The following EXOC6B variants were observed in gnomAD, a reference collection of about 807,000 sequenced individuals.
The protein encoded by EXOC6B is exocyst complex component 6B.
EXOC6B carries 54 observed loss-of-function variants against 113.5 expected under a neutral mutation model. That is an observed-to-expected ratio of 0.48 (90% CI 0.38 to 0.60). The LOEUF is 0.60. EXOC6B is among the 20% of genes least tolerant of loss of function. The pLI is 0.00. For synonymous variants in EXOC6B, 357 were observed against 339.0 expected (o/e 1.05, Z -0.58); for missense variants, 797 against 977.5 (o/e 0.82, Z 2.46).
At chr2:72,402,843 T>C (rs1693429840) in intron 18 of EXOC6B, among the ~76,000 whole-genome samples, 1 of 152,194 alleles carries the variant, frequency 6.6e-6, no homozygotes, top group African/African-American at 2.4e-5. Context: ...TTTTCCATTA[T>C]TTTTGCAAAG....
At chr2:72,301,211 A>G (rs886544941) in intron 20 of EXOC6B, among the ~76,000 whole-genome samples, 2 of 152,116 alleles carry the variant, frequency 1.3e-5, no homozygotes, top group Admixed American at 1.3e-4. Flanking sequence ...ATCATGGTGG[A>G]TTAGCTTTTT....
intron 6 of EXOC6B, among the ~76,000 whole-genome samples, chr2:72,594,098 A>ATC (rs1669918268): frequency 6.6e-6 from 1 of 152,066 alleles, no homozygotes; most frequent in Non-Finnish European, 1.5e-5. Flanking sequence ...CTCCAAACTC[A>ATC]GCTTCCCAAA....
rs35274285 is a variant in EXOC6B, at chr2:72,465,144, A to AGC, written c.1980+14_1980+15dup. ...CTTTTTATATATAAAGGACAAAGTA[A>AGC]GCAACTGCCACTTACAGGAAGGTGT... On this transcript the variant is annotated intron_variant, in intron 18 of 21. Coordinates refer to ENST00000272427, the MANE Select transcript of EXOC6B (RefSeq NM_015189.3). The AGC allele has an allele frequency of 7.7e-5, 111 of 1,446,920 alleles. No individual in the cohort carries two copies. The highest frequency in any genetic ancestry group is 9.4e-5 in the Non-Finnish European group (104 of 1,102,682). 89.6% of individuals were successfully genotyped at this position (1,446,920 alleles called of 1,614,324 possible).
intron 1 of EXOC6B, among the ~76,000 whole-genome samples, chr2:72,787,495 C>G (rs1338425133): frequency 6.6e-6 from 1 of 151,948 alleles, no homozygotes; most frequent in Non-Finnish European, 1.5e-5. Context: ...CCACAGTGCC[C>G]GGCCTCAGGG....
intron 6 of EXOC6B, among the ~76,000 whole-genome samples, chr2:72,593,557 T>G (rs1405138066): frequency 6.6e-6 from 1 of 151,904 alleles, no homozygotes; most frequent in Non-Finnish European, 1.5e-5. Context: ...AAAAACAATT[T>G]TTTCCCTTCA....
chr2:72,212,749 A>C lies in EXOC6B; in HGVS notation c.2197-28562T>G, dbSNP rs1341434144. 2.6e-5 allele frequency among the ~76,000 whole-genome samples: 4 copies of C among 152,220 alleles called. No individual in the cohort carries two copies. In the East Asian group the frequency reaches 7.7e-4, roughly 29 times the overall value. On this transcript the variant is annotated intron_variant, in intron 20 of 21. Transcript: ENST00000272427. ...TGTTCTCTATCTCCACTATAAAGTG[A>C]ACAAAAAAACTTGAATACCAATTGT...
At chr2:72,635,631 TAAG>T (rs1672764124) in intron 6 of EXOC6B, among the ~76,000 whole-genome samples, 1 of 152,176 alleles carries the variant, frequency 6.6e-6, no homozygotes, top group African/African-American at 2.4e-5. Context: ...CCAAACATTT[TAAG>T]AAGAATTAAC....
intron 6 of EXOC6B, among the ~76,000 whole-genome samples, chr2:72,635,538 A>G (rs970168974): frequency 6.6e-6 from 1 of 152,230 alleles, no homozygotes; most frequent in Non-Finnish European, 1.5e-5. Flanking sequence ...GAATAGTCCT[A>G]TAACTGGGAA....
At chr2:72,726,014 G>C (rs182250281) in intron 5 of EXOC6B, among the ~76,000 whole-genome samples, 3 of 152,228 alleles carry the variant, frequency 2.0e-5, no homozygotes. Context: ...AACTAAAGCA[G>C]TATATATACA....
At chr2:72,407,835 G>A (rs377517592) in intron 18 of EXOC6B, among the ~76,000 whole-genome samples, 2 of 152,094 alleles carry the variant, frequency 1.3e-5, no homozygotes, top group African/African-American at 2.4e-5. Context: ...CACCACTCCT[G>A]TTCAACATAG....
chr2:72,533,863 CT>C (rs971524509), intron 8 of EXOC6B, among the ~76,000 whole-genome samples: 1 of 152,064 alleles, frequency 6.6e-6, no homozygotes, highest in Non-Finnish European at 1.5e-5. Flanking sequence ...GTATTTGCCC[CT>C]GTAACAGAAA....
At chr2:72,686,336 A>G (rs2104568305) in intron 6 of EXOC6B, among the ~76,000 whole-genome samples, 1 of 152,334 alleles carries the variant, frequency 6.6e-6, no homozygotes, top group South Asian at 2.1e-4. Context: ...AACATGCTAC[A>G]TATAAAATTC....
intron 18 of EXOC6B, 146 bp downstream of exon 18, chr2:72,465,014 C>T (rs1007791069): frequency 1.3e-5 from 9 of 666,718 alleles, no homozygotes; most frequent in Non-Finnish European, 2.1e-5. Flanking sequence ...CTCTACATAT[C>T]ATTAAAGGTT....
At chr2:72,334,245 C>G (rs1688567060) in intron 20 of EXOC6B, among the ~76,000 whole-genome samples, 1 of 152,046 alleles carries the variant, frequency 6.6e-6, no homozygotes, top group Non-Finnish European at 1.5e-5. Context: ...TCCAAACCAC[C>G]AAGGCCTACC....
chr2:72,573,845 G>A (rs1057267439), intron 7 of EXOC6B, among the ~76,000 whole-genome samples: 3 of 152,162 alleles, frequency 2.0e-5, no homozygotes, highest in Non-Finnish European at 4.4e-5. Flanking sequence ...GCTGGGTGCG[G>A]TGGCTCACGC....
chr2:72,789,358 C>T (rs1437091084), intron 1 of EXOC6B, among the ~76,000 whole-genome samples: 1 of 151,974 alleles, frequency 6.6e-6, no homozygotes, highest in African/African-American at 2.4e-5. Flanking sequence ...CCTACTTCAT[C>T]CCCACCCTGA....
chr2:72,468,563 A>G (rs928142153), intron 17 of EXOC6B, among the ~76,000 whole-genome samples: 3 of 152,172 alleles, frequency 2.0e-5, no homozygotes, highest in Admixed American at 6.6e-5. Context: ...TAGATTTTGA[A>G]GTCAGGTAGA....
chr2:72,326,164 A>G (rs1688115652), intron 20 of EXOC6B, among the ~76,000 whole-genome samples: 1 of 152,114 alleles, frequency 6.6e-6, no homozygotes, highest in South Asian at 2.1e-4. Context: ...AAAACCTAGC[A>G]GTTTTCATTC....
At chr2:72,240,381 G>A (rs1238169728) in intron 20 of EXOC6B, among the ~76,000 whole-genome samples, 2 of 151,994 alleles carry the variant, frequency 1.3e-5, no homozygotes, top group Admixed American at 1.3e-4. Context: ...TCCTATTCTT[G>A]AGTATCAAAG....
Sources: gnomAD v4.1 joint callset for allele counts (sites outside exome capture counted in the v4.1 genomes callset) on GRCh38, gnomAD v4.1.1 for gene constraint, MANE v1.5 for transcripts, NCBI Gene and HGNC (gene_info 2026-07-23, HGNC 2026-07-21) for gene names.